FRMD6: variants seen among roughly 807,000 people sequenced by gnomAD.
The protein encoded by FRMD6 is FERM domain-containing protein 6.
In FRMD6, 37 loss-of-function variants were observed where a neutral mutation model predicts 73.2. That is an observed-to-expected ratio of 0.51 (90% CI 0.39 to 0.66). The LOEUF is 0.66. Ranked by LOEUF, FRMD6 falls within the 30% of genes least tolerant of loss-of-function variation. FRMD6 has a pLI of 0.00. For missense variants in FRMD6, 714 were observed against 780.5 expected (o/e 0.91, Z 1.02); for synonymous variants, 273 against 282.2 (o/e 0.97, Z 0.33).
chr14:51,585,939 G>GTGTATATA lies in FRMD6; in HGVS notation c.-147+15530_-147+15531insGTATATAT. 6.7e-4 allele frequency among the ~76,000 whole-genome samples: 21 copies of GTGTATATA among 31,418 alleles called. 2 individuals carry two copies. The South Asian group carries it at 9.6e-3, about 14-fold the overall frequency. The allele number at this position is 31,418 out of a possible 152,430, so 20.6% of individuals were successfully genotyped here. On this transcript the variant is annotated intron_variant, in intron 2 of 14. Transcript: ENST00000356218. The stretch of plus-strand genomic sequence containing the variant: ...TGCCATGGCATGTGTGTGTGTGTGT[G>GTGTATATA]TATATATATATATATATATATAACA...
chr14:51,576,427 A>C (rs1411033992), intron 2 of FRMD6, among the ~76,000 whole-genome samples: 1 of 152,212 alleles, frequency 6.6e-6, no homozygotes, highest in Non-Finnish European at 1.5e-5. Context: ...TTGCCCAGGC[A>C]GTTCACGCTG....
intron 2 of FRMD6, among the ~76,000 whole-genome samples, chr14:51,628,880 T>C (rs1566512217): frequency 1.5e-5 from 2 of 134,928 alleles, no homozygotes; most frequent in African/African-American, 2.9e-5. Flanking sequence ...TTCTTTTCTT[T>C]TTTTTTTTTT....
chr14:51,436,897 T>G, the FRMD6 span: 1 of 945,714 alleles, frequency 1.1e-6, no homozygotes, highest in Admixed American at 2.1e-5. Flanking sequence ...GGGATGAGGA[T>G]GAAGGTGAAG....
intron 2 of FRMD6, among the ~76,000 whole-genome samples, chr14:51,627,734 T>C (rs1891171611): frequency 6.6e-6 from 1 of 152,192 alleles, no homozygotes; most frequent in South Asian, 2.1e-4. Flanking sequence ...TTACCCGACC[T>C]GCTTCTCCCC....
At chr14:51,637,709 T>A (rs1279971656) in intron 2 of FRMD6, 2 of 152,320 alleles carry the variant, frequency 1.3e-5, no homozygotes, top group East Asian at 3.9e-4. Context: ...TTAATTTCTA[T>A]AAGTCACAAG....
At chr14:51,635,621 G>T (rs1365340040) in intron 2 of FRMD6, among the ~76,000 whole-genome samples, 1 of 152,168 alleles carries the variant, frequency 6.6e-6, no homozygotes, top group African/African-American at 2.4e-5. Flanking sequence ...TTTAGCTTTT[G>T]AGAACACATT....
rs946941320 is a variant in FRMD6 at position 51,729,440 on chromosome 14, C to T, written c.*1411C>T. ...AAGTCAGGGGAGTGAATTTATCAAT[C>T]TTTTGATGTAAAGTAAAAACGTAGT... is the stretch of plus-strand genomic sequence containing the variant. On this transcript the variant is annotated 3_prime_UTR_variant, in exon 14 of 14. Coordinates refer to ENST00000344768, the MANE Select transcript of FRMD6 (RefSeq NM_001267046.2). 6.6e-6 allele frequency: 1 copy of T among 152,564 alleles called. No homozygotes were observed. Among genetic ancestry groups the T allele is most frequent in the Non-Finnish European group, 1.5e-5 (1 of 68,018 alleles). The allele number at this position is 152,564 out of a possible 1,614,324, so 9.5% of individuals were successfully genotyped here. A position where few individuals can be genotyped will look rare whatever the true frequency, so the allele number is the denominator to read the frequency against.
chr14:51,526,075 G>T (rs1332005406), intron 1 of FRMD6, among the ~76,000 whole-genome samples: 1 of 152,142 alleles, frequency 6.6e-6, no homozygotes, highest in Admixed American at 6.5e-5. Context: ...TGAGTAGTAA[G>T]CCATAAATTG....
At chr14:51,509,030 A>T (rs1207470763) in intron 1 of FRMD6, among the ~76,000 whole-genome samples, 1 of 152,240 alleles carries the variant, frequency 6.6e-6, no homozygotes, top group Non-Finnish European at 1.5e-5. Context: ...ATATCCTTCA[A>T]GTCATGAGTT....
the FRMD6 span, among the ~76,000 whole-genome samples, chr14:51,452,563 A>G: frequency 1.3e-5 from 2 of 152,256 alleles, no homozygotes; most frequent in South Asian, 4.1e-4. Flanking sequence ...GAATGAGTCT[A>G]TAGCTCAAGA....
At chr14:51,510,426 AT>A (rs1024780919) in intron 1 of FRMD6, among the ~76,000 whole-genome samples, 13 of 149,652 alleles carry the variant, frequency 8.7e-5, no homozygotes, top group African/African-American at 2.5e-4. Flanking sequence ...TATTTCCGTG[AT>A]TTTTTTTTTC....
intron 7 of FRMD6, among the ~76,000 whole-genome samples, chr14:51,710,474 G>A (rs890558547): frequency 3.3e-5 from 5 of 152,136 alleles, no homozygotes; most frequent in Admixed American, 1.3e-4. Flanking sequence ...CCTTGAAAGC[G>A]AAATTGACCA....
intron 2 of FRMD6, chr14:51,637,462 C>T (rs2140009652): frequency 9.9e-6 from 1 of 100,620 alleles, no homozygotes; most frequent in African/African-American, 3.8e-5. Flanking sequence ...TTGATACACA[C>T]AGGCACACAC....
intron 1 of FRMD6, among the ~76,000 whole-genome samples, chr14:51,559,467 C>T (rs185989470): frequency 2.6e-5 from 4 of 151,522 alleles, no homozygotes; most frequent in African/African-American, 4.8e-5. Flanking sequence ...GTATATTCCA[C>T]GTTACTTTTT....
chr14:51,717,230 C>T (rs1451941743), intron 10 of FRMD6: 1 of 152,144 alleles, frequency 6.6e-6, no homozygotes, highest in Non-Finnish European at 1.5e-5. Context: ...TTCTAAAGAA[C>T]AGAACTTTAT....
chr14:51,727,129 T>TCAACACCAAGAACACCCTATATCCTACC (rs1898010329), intron 13 of FRMD6, among the ~76,000 whole-genome samples: 3 of 152,122 alleles, frequency 2.0e-5, no homozygotes, highest in Non-Finnish European at 1.5e-5. Flanking sequence ...CCCAGCCTCT[T>TCAACACCAAGAACACCCTATATCCTACC]CAACACCAAG....
chr14:51,506,811 C>T (rs923518039), intron 1 of FRMD6, among the ~76,000 whole-genome samples: 4 of 152,082 alleles, frequency 2.6e-5, no homozygotes, highest in African/African-American at 9.7e-5. Flanking sequence ...AACCACAGCA[C>T]ATTTTTACCT....
chr14:51,483,495 A>T, the FRMD6 span, among the ~76,000 whole-genome samples: 7 of 152,240 alleles, frequency 4.6e-5, no homozygotes, highest in Non-Finnish European at 8.8e-5. Flanking sequence ...CATTCCAGGC[A>T]TGGGGAACAG....
chr14:51,617,504 G>A (rs564654066), intron 2 of FRMD6, among the ~76,000 whole-genome samples: 23 of 152,230 alleles, frequency 1.5e-4, no homozygotes, highest in African/African-American at 5.3e-4. Context: ...ACATGAATGT[G>A]GGCCTATTAT....
Sources: gnomAD v4.1 joint callset for allele counts (sites outside exome capture counted in the v4.1 genomes callset) on GRCh38, gnomAD v4.1.1 for gene constraint, MANE v1.5 for transcripts, NCBI Gene and HGNC (gene_info 2026-07-23, HGNC 2026-07-21) for gene names.